ZBTB46: variants seen among roughly 807,000 people sequenced by gnomAD.
ZBTB46 encodes the protein zinc finger and BTB domain-containing protein 46.
ZBTB46 carries 8 observed loss-of-function variants against 44.1 expected under a neutral mutation model. The observed-to-expected ratio is 0.18, with a 90% CI of 0.11 to 0.33. The LOEUF (loss-of-function observed/expected upper bound fraction) is 0.33, where lower values mean the gene tolerates loss of function less well. Ranked by LOEUF, ZBTB46 falls within the 10% of genes least tolerant of loss-of-function variation. ZBTB46 has a pLI of 1.00. For synonymous variants in ZBTB46, 409 were observed against 382.3 expected (o/e 1.07, Z -0.81); for missense variants, 651 against 847.7 (o/e 0.77, Z 2.88).
At chr20:63,775,448 G>GCGCTCA (rs1307148259) in intron 3 of ZBTB46, 1 of 465,272 alleles carries the variant, frequency 2.1e-6, no homozygotes, top group Non-Finnish European at 3.7e-6. Flanking sequence ...CCTGCCCGCC[G>GCGCTCA]CGCTCACAAC....
rs906613961 is a variant in ZBTB46 at position 63,767,493 on chromosome 20, G to A, written c.1222+8185C>T. On this transcript the variant is annotated intron_variant, in intron 3 of 4. Coordinates refer to ENST00000245663, the MANE Select transcript of ZBTB46 (RefSeq NM_001369741.1). This position sits in a 1 kb window ranked among gnomAD's most constrained non-coding sequence, Gnocchi z 5.0. ...CTCCGCAGATATCCCCCTCCGACGC[G>A]GCTGTTCGGTCACCCAGTTCCCCTC... Among the ~76,000 whole-genome samples the A allele has an allele frequency of 2.6e-5, 4 of 152,236 alleles. No individual in the cohort carries two copies. The highest frequency in any genetic ancestry group is 3.9e-4 in the East Asian group (2 of 5,168).
chr20:63,813,429 C>T (rs2092729166), intron 1 of ZBTB46, among the ~76,000 whole-genome samples: 2 of 149,682 alleles, frequency 1.3e-5, no homozygotes, highest in South Asian at 4.2e-4. Flanking sequence ...AGCCTGGAGA[C>T]AGAGCAAGAC....
chr20:63,757,926 G>A (rs1220053472), intron 3 of ZBTB46, among the ~76,000 whole-genome samples: 142 of 8,396 alleles, frequency 0.017, no homozygotes, highest in African/African-American at 0.023. Flanking sequence ...CACCCGCCCC[G>A]TCCAGAGCTC....
Position 63,746,194 on chromosome 20 carries a change from G to C in ZBTB46, c.*736C>G, listed in dbSNP as rs977935001. The C allele has an allele frequency of 6.5e-6, 1 of 152,848 alleles. No individual in the cohort carries two copies. Among genetic ancestry groups the C allele is most frequent in the Non-Finnish European group, 1.5e-5 (1 of 68,208 alleles). 9.5% of individuals were successfully genotyped at this position (152,848 alleles called of 1,614,324 possible). ...CCGAGGAAGTGCACACGACTGAGCC[G>C]AGGCCCTTGCAGAGGGAACCTGGTG... On this transcript the variant is annotated 3_prime_UTR_variant, in exon 5 of 5. Coordinates refer to ENST00000245663, the MANE Select transcript of ZBTB46 (RefSeq NM_001369741.1).
chr20:63,780,354 C>T (rs1010368744), intron 2 of ZBTB46, among the ~76,000 whole-genome samples: 1 of 151,906 alleles, frequency 6.6e-6, no homozygotes, highest in African/African-American at 2.4e-5. Context: ...GGATAAAAGA[C>T]AGGTTTCTTA....
intron 3 of ZBTB46, among the ~76,000 whole-genome samples, chr20:63,774,070 CCCA>C (rs1324366979): frequency 1.8e-4 from 13 of 71,568 alleles, no homozygotes; most frequent in African/African-American, 6.3e-4. Context: ...CCCCCCCCCC[CCCA>C]GTTTTTCAGA....
rs1226761479 is a variant in ZBTB46 at position 63,803,755 on chromosome 20, T to G, written c.-33-12965A>C. ...TGGGGTCTCACTCTGTCCCCCAGGC[T>G]GGAGTGCAGTGGCGCAATCTCGGCT... On this transcript the variant is annotated intron_variant, in intron 1 of 4. Coordinates refer to ENST00000245663, the MANE Select transcript of ZBTB46 (RefSeq NM_001369741.1). The surrounding 1 kb of genome is among the most constrained non-coding windows in gnomAD (Gnocchi z 4.0). Among the ~76,000 whole-genome samples the G allele has an allele frequency of 6.6e-6, 1 of 152,184 alleles. No individual in the cohort carries two copies. The highest frequency in any genetic ancestry group is 1.5e-5 in the Non-Finnish European group (1 of 68,038).
Position 63,769,293 on chromosome 20 carries a change from C to A in ZBTB46, c.1222+6385G>T, listed in dbSNP as rs1200898368. On this transcript the variant is annotated intron_variant, in intron 3 of 4. Coordinates refer to ENST00000245663, the MANE Select transcript of ZBTB46 (RefSeq NM_001369741.1). ...TGCCGGCTCCCTGGGCTGGGTCTGGCGGTTCCCCAGAGCTCATCCTGTGGC... is the reference window on the plus strand; with the variant it reads ...TGCCGGCTCCCTGGGCTGGGTCTGGAGGTTCCCCAGAGCTCATCCTGTGGC... 4 of 985,260 alleles carry A rather than the reference C, an allele frequency of 4.1e-6. No homozygotes were observed. In the African/African-American group the frequency reaches 7.0e-5, roughly 17 times the overall value. The allele number at this position is 985,260 out of a possible 1,614,324, so 61.0% of individuals were successfully genotyped here.
At chr20:63,769,249 C>A (rs1461962565) in intron 3 of ZBTB46, 1 of 985,288 alleles carries the variant, frequency 1.0e-6, no homozygotes, top group East Asian at 1.1e-4. Context: ...TGGTGTCTTA[C>A]CTGAGCTGGG....
At chr20:63,804,469 C>T (rs781442376) in intron 1 of ZBTB46, among the ~76,000 whole-genome samples, 3 of 152,184 alleles carry the variant, frequency 2.0e-5, no homozygotes, top group African/African-American at 4.8e-5. Context: ...GAAGCCCTCC[C>T]GGGCGTCACT....
chr20:63,755,504 T>A (rs2092212627), intron 3 of ZBTB46, among the ~76,000 whole-genome samples: 2 of 152,302 alleles, frequency 1.3e-5, no homozygotes, highest in South Asian at 4.1e-4. Context: ...GTGATTGGAC[T>A]TAGGACCCAT....
intron 3 of ZBTB46, among the ~76,000 whole-genome samples, chr20:63,763,171 T>C (rs2092291801): frequency 6.6e-6 from 1 of 152,222 alleles, no homozygotes; most frequent in African/African-American, 2.4e-5. Flanking sequence ...ATAAATAGTT[T>C]TTAAAAACAG....
At chr20:63,769,746 CA>C (rs1162955238) in intron 3 of ZBTB46, among the ~76,000 whole-genome samples, 26 of 152,304 alleles carry the variant, frequency 1.7e-4, no homozygotes, top group Admixed American at 1.4e-3. Context: ...CCATGTCCAC[CA>C]AATGCCCTTT....
chr20:63,746,703 T>C lies in ZBTB46; in HGVS notation c.*227A>G. The C allele has an allele frequency of 1.6e-6, 1 of 622,118 alleles. No homozygotes were observed. The highest frequency in any genetic ancestry group is 2.5e-6 in the Non-Finnish European group (1 of 396,066). The allele number at this position is 622,118 out of a possible 1,614,324, so 38.5% of individuals were successfully genotyped here. On this transcript the variant is annotated 3_prime_UTR_variant, in exon 5 of 5. Transcript: ENST00000245663. ...GCTCTCCCTTCACTCAAACCCACCCTGTGCCCTCCCCCAACTCACTTCATG... is the reference window on the plus strand; with the variant it reads ...GCTCTCCCTTCACTCAAACCCACCCCGTGCCCTCCCCCAACTCACTTCATG...
At chr20:63,750,514 C>T (rs1166951388) in intron 4 of ZBTB46, among the ~76,000 whole-genome samples, 2 of 152,004 alleles carry the variant, frequency 1.3e-5, no homozygotes, top group Non-Finnish European at 2.9e-5. Flanking sequence ...GCTAGGATTA[C>T]AGGCATGTGC....
chr20:63,829,499 TCTTC>T (rs1273482835), intron 1 of ZBTB46, among the ~76,000 whole-genome samples: 1 of 152,248 alleles, frequency 6.6e-6, no homozygotes, highest in East Asian at 1.9e-4. Flanking sequence ...TCCCCAGCCC[TCTTC>T]CTTCAGTTAC....
At chr20:63,747,951 T>A (rs1183645076) in intron 4 of ZBTB46, among the ~76,000 whole-genome samples, 1 of 152,176 alleles carries the variant, frequency 6.6e-6, no homozygotes, top group Non-Finnish European at 1.5e-5. Context: ...GGACTGGAGC[T>A]CACAGAGCTC....
intron 3 of ZBTB46, among the ~76,000 whole-genome samples, chr20:63,770,207 C>T (rs922757032): frequency 1.3e-5 from 2 of 152,238 alleles, no homozygotes; most frequent in Non-Finnish European, 2.9e-5. Context: ...AAGTTGGCTT[C>T]CTCGTGCTGT....
rs1249546975 is a variant in ZBTB46, at chr20:63,787,985, G to C, written c.937+1836C>G. On this transcript the variant is annotated intron_variant, in intron 2 of 4. Transcript: ENST00000245663. This position sits in a 1 kb window ranked among gnomAD's most constrained non-coding sequence, Gnocchi z 4.6. ...CACACGGCATCTGCGACATTTTTCAGGGCCTCCCACCCTGCGGCTTGCTGT... is the reference window on the plus strand; with the variant it reads ...CACACGGCATCTGCGACATTTTTCACGGCCTCCCACCCTGCGGCTTGCTGT... The C allele has an allele frequency of 2.0e-5, 3 of 152,294 alleles. No individual in the cohort carries two copies. Among genetic ancestry groups the C allele is most frequent in the Non-Finnish European group, 4.4e-5 (3 of 68,094 alleles). 9.4% of individuals were successfully genotyped at this position (152,294 alleles called of 1,614,324 possible).
Sources: gnomAD v4.1 joint callset for allele counts (sites outside exome capture counted in the v4.1 genomes callset) on GRCh38, gnomAD v4.1.1 for gene constraint, Gnocchi (gnomAD v3.1) non-coding constraint, MANE v1.5 for transcripts, NCBI Gene and HGNC (gene_info 2026-07-23, HGNC 2026-07-21) for gene names.